Variants in SPTA1 observed in about 807,000 individuals in gnomAD.
The protein encoded by SPTA1 is spectrin alpha chain, erythrocytic 1.
SPTA1 carries 177 observed loss-of-function variants against 324.7 expected under a neutral mutation model. That is an observed-to-expected ratio of 0.55 (90% CI 0.48 to 0.62). SPTA1 has a LOEUF of 0.62. Ranked by LOEUF, SPTA1 falls within the 20% of genes least tolerant of loss-of-function variation. The pLI is 0.00. For synonymous variants in SPTA1, 1,195 were observed against 1,041.3 expected, an observed-to-expected ratio of 1.15 and a Z score of -2.84; for missense variants, 3,162 against 2,883.6, an observed-to-expected ratio of 1.10 and a Z score of -2.21.
At chr1:158,667,163 C>CA (rs144553746) in intron 15 of SPTA1, among the ~76,000 whole-genome samples, 3 of 149,782 alleles carry the variant, frequency 2.0e-5, no homozygotes, top group Non-Finnish European at 4.5e-5. Flanking sequence ...GGATGGTATC[C>CA]AAAAAAAAAT....
chr1:158,637,496 T>G (rs1651173161), intron 36 of SPTA1, among the ~76,000 whole-genome samples: 1 of 152,186 alleles, frequency 6.6e-6, no homozygotes, highest in African/African-American at 2.4e-5. Context: ...TAATGAAACC[T>G]TGGTAGATAC....
intron 33 of SPTA1, 122 bp downstream of exon 33, chr1:158,642,289 C>A: frequency 1.9e-6 from 2 of 1,057,196 alleles, no homozygotes; most frequent in Non-Finnish European, 2.5e-6. Flanking sequence ...TGCACATGTA[C>A]CCTAAAACTT....
chr1:158,616,495 A>G (rs946719299), intron 47 of SPTA1, among the ~76,000 whole-genome samples: 13 of 152,210 alleles, frequency 8.5e-5, no homozygotes, highest in Admixed American at 2.0e-4. Flanking sequence ...ACGAGTGAGA[A>G]CATGCAATAT....
intron 45 of SPTA1, among the ~76,000 whole-genome samples, chr1:158,618,363 T>C (rs1649705595): frequency 6.6e-6 from 1 of 152,220 alleles, no homozygotes; most frequent in Non-Finnish European, 1.5e-5. Flanking sequence ...AAGGGTGTTC[T>C]GTGTCTTCTC....
chr1:158,642,876 A>G lies in SPTA1; in HGVS notation c.4543T>C (p.Trp1515Arg). The change falls in exon 32 of 52, where the codon TGG becomes CGG. Residue 1515 changes from tryptophan to arginine, a missense_variant. Trp to Arg is a moderately radical substitution (Grantham distance 101). Transcript: ENST00000643759. ...GCTGTGGGCAGCATCTCACTGATCC[A>G]TTCTTCCAGCTCCTCAAGGTCTCGG... The part of the protein sequence containing the change: ...FYRDLEELEE[W>R]ISEMLPTACD... The G allele has an allele frequency of 1.2e-6, 2 of 1,613,686 alleles. No homozygotes were observed. The highest frequency in any genetic ancestry group is 1.1e-5 in the South Asian group (1 of 91,028).
At chr1:158,653,447 A>C in intron 21 of SPTA1, 22 bp from the exon 22 acceptor site, 1 of 1,613,336 alleles carries the variant, frequency 6.2e-7, no homozygotes, top group Non-Finnish European at 8.5e-7. Context: ...GCAGATCCCC[A>C]CTCCGTCATT....
intron 16 of SPTA1, among the ~76,000 whole-genome samples, chr1:158,664,841 C>G (rs947295430): frequency 6.6e-6 from 1 of 152,304 alleles, no homozygotes; most frequent in Non-Finnish European, 1.5e-5. Context: ...AAACCTCTAA[C>G]GTAGTGCAGG....
rs16840423 is a variant in SPTA1 at position 158,639,281 on chromosome 1, C to T, written c.4980+301G>A. On this transcript the variant is annotated intron_variant, in intron 35 of 51. Coordinates refer to ENST00000643759, the MANE Select transcript of SPTA1 (RefSeq NM_003126.4). ...TTCCACTTTCTTTCAAATACCAGAT[C>T]AAATATATAGCTTAAAGACAATTGG... 0.037 allele frequency: 12,889 copies of T among 350,618 alleles called. 638 individuals are homozygous for T. The highest frequency in any genetic ancestry group is 0.14 in the African/African-American group (6,885 of 47,910). The allele number at this position is 350,618 out of a possible 1,614,324, so 21.7% of individuals were successfully genotyped here.
Position 158,611,141 on chromosome 1 carries a change from A to G in SPTA1, c.*123T>C, listed in dbSNP as rs926748248. ...TGCACACAAACACAAGCACACACAC[A>G]CACACACACACACACACACACACAC... On this transcript the variant is annotated 3_prime_UTR_variant, in exon 52 of 52. Coordinates refer to ENST00000643759, the MANE Select transcript of SPTA1 (RefSeq NM_003126.4). 1.1e-5 allele frequency: 12 copies of G among 1,112,438 alleles called. No individual in the cohort carries two copies. Among genetic ancestry groups the G allele is most frequent in the Admixed American group, 1.8e-5 (1 of 55,228 alleles). The allele number at this position is 1,112,438 out of a possible 1,614,324, so 68.9% of individuals were successfully genotyped here.
chr1:158,663,486 C>T (rs1398037732), intron 16 of SPTA1, among the ~76,000 whole-genome samples: 1 of 152,150 alleles, frequency 6.6e-6, no homozygotes, highest in Admixed American at 6.5e-5. Context: ...AGTTGTCCTC[C>T]TTTGAATCAT....
At chr1:158,676,346 C>A (rs1198533809) in intron 7 of SPTA1, 51 bp from the exon 8 acceptor site, 2 of 1,601,688 alleles carry the variant, frequency 1.2e-6, no homozygotes, top group East Asian at 4.5e-5. Context: ...TCTGACTCCC[C>A]CTGGCAAAGC....
chr1:158,636,024 TC>T lies in SPTA1; in HGVS notation c.5320del (p.Asp1774IlefsTer6). The T allele has an allele frequency of 6.2e-7, 1 of 1,614,134 alleles. No individual in the cohort carries two copies. Among genetic ancestry groups the T allele is most frequent in the Non-Finnish European group, 8.5e-7 (1 of 1,179,998 alleles). On this transcript the variant is annotated frameshift_variant, in exon 38 of 52. Coordinates refer to ENST00000643759, the MANE Select transcript of SPTA1 (RefSeq NM_003126.4). LOFTEE classifies it high-confidence loss of function. Reference sequence around the variant, plus strand: ...CTTGTCTTTCAGCTTCTCTGCCATATCCAGCACATTCTGAAGAACAACCCCG... The same window carrying T: ...CTTGTCTTTCAGCTTCTCTGCCATATCAGCACATTCTGAAGAACAACCCCG... ...AHEPAIQNVL[D>X]MAEKLKDKAA...
At chr1:158,643,092 T>C (rs1012114624) in intron 31 of SPTA1, 116 bp from the exon 32 acceptor site, 3 of 1,426,250 alleles carry the variant, frequency 2.1e-6, no homozygotes, top group Non-Finnish European at 1.9e-6. Context: ...CATAGTCTTA[T>C]TATTTTCATT....
chr1:158,661,462 G>A (rs529154797), intron 17 of SPTA1, 53 bp from the exon 18 acceptor site: 8 of 1,611,832 alleles, frequency 5.0e-6, no homozygotes, highest in Non-Finnish European at 6.8e-6. Context: ...TATGGAAGTA[G>A]CATACCTCAC....
rs547670530 is a variant in SPTA1, at chr1:158,616,054, T to C, written c.6601-651A>G. Among the ~76,000 whole-genome samples the C allele has an allele frequency of 2.6e-5, 4 of 152,296 alleles. No homozygotes were observed. In the South Asian group the frequency reaches 8.3e-4, roughly 32 times the overall value. Reference sequence around the variant, plus strand: ...ATTGTGGAGTGCAGTGAAAAAAATGTGGGATATGACAAAGCTTGTAGCCTT... The same window carrying C: ...ATTGTGGAGTGCAGTGAAAAAAATGCGGGATATGACAAAGCTTGTAGCCTT... On this transcript the variant is annotated intron_variant, in intron 47 of 51. Coordinates refer to ENST00000643759, the MANE Select transcript of SPTA1 (RefSeq NM_003126.4).
chr1:158,665,422 A>C (rs1653523179), intron 16 of SPTA1, among the ~76,000 whole-genome samples: 2 of 92,304 alleles, frequency 2.2e-5, no homozygotes, highest in South Asian at 5.3e-4. Context: ...AGGCATCATG[A>C]AAGTGTATTT....
chr1:158,624,168 G>C (rs1163221213), intron 42 of SPTA1, among the ~76,000 whole-genome samples: 2 of 152,182 alleles, frequency 1.3e-5, no homozygotes, highest in African/African-American at 4.8e-5. Flanking sequence ...GAGAACCTCT[G>C]CTAAGGCAGC....
chr1:158,671,092 CT>C (rs1187724339), intron 12 of SPTA1, among the ~76,000 whole-genome samples: 2 of 151,800 alleles, frequency 1.3e-5, no homozygotes, highest in African/African-American at 2.4e-5. Flanking sequence ...GCTATTTTCA[CT>C]TTTTTTCTAA....
chr1:158,620,591 A>T, intron 43 of SPTA1, 125 bp from the exon 44 acceptor site: 1 of 1,180,684 alleles, frequency 8.5e-7, no homozygotes, highest in Non-Finnish European at 1.2e-6. Context: ...AAAAGGGCAG[A>T]ACTAAAACCA....
Sources: gnomAD v4.1 joint callset for allele counts (sites outside exome capture counted in the v4.1 genomes callset) on GRCh38, gnomAD v4.1.1 for gene constraint, MANE v1.5 for transcripts, NCBI Gene and HGNC (gene_info 2026-07-23, HGNC 2026-07-21) for gene names.